FN3KRP: variants seen among roughly 807,000 people sequenced by gnomAD.
FN3KRP encodes ketosamine-3-kinase.
In FN3KRP, 33 loss-of-function variants were observed where a neutral mutation model predicts 29.8. The ratio of observed to expected loss-of-function variants is 1.11; its 90% CI spans 0.84 to 1.48. The LOEUF is 1.48. FN3KRP is among the 40% of genes most tolerant of loss of function. The probability of loss-of-function intolerance (pLI) is 0.00; values close to 1 mark genes in which losing one functional copy is unlikely to be tolerated. For missense variants in FN3KRP, 430 were observed against 402.6 expected (o/e 1.07, Z -0.58); for synonymous variants, 157 against 155.2 (o/e 1.01, Z -0.09).
At chr17:82,717,784 G>A (rs2046768166) in intron 1 of FN3KRP, among the ~76,000 whole-genome samples, 1 of 152,212 alleles carries the variant, frequency 6.6e-6, no homozygotes, top group African/African-American at 2.4e-5. Context: ...CTGAGGCTGA[G>A]GAGGTGGGGA....
At chr17:82,718,602 G>C (rs555497571) in intron 1 of FN3KRP, 1 of 1,122,228 alleles carries the variant, frequency 8.9e-7, no homozygotes, top group Non-Finnish European at 1.1e-6. Context: ...CACTGTTGCC[G>C]GATCTTAGTG....
chr17:82,721,706 G>C (rs922604712), intron 3 of FN3KRP, among the ~76,000 whole-genome samples: 2 of 151,714 alleles, frequency 1.3e-5, no homozygotes, highest in Non-Finnish European at 2.9e-5. Flanking sequence ...GTTTCACCGT[G>C]TTAGCCGGGA....
chr17:82,720,392 C>A, intron 3 of FN3KRP, 29 bp downstream of exon 3: 2 of 1,582,296 alleles, frequency 1.3e-6, no homozygotes, highest in Non-Finnish European at 1.7e-6. Flanking sequence ...CACGGGTGCT[C>A]CCGCCTAGAG....
At chr17:82,720,399 A>T (rs2046790528) in intron 3 of FN3KRP, 36 bp downstream of exon 3, 2 of 1,548,602 alleles carry the variant, frequency 1.3e-6, no homozygotes, top group East Asian at 4.5e-5. Flanking sequence ...GCTCCCGCCT[A>T]GAGGAGGACG....
intron 4 of FN3KRP, among the ~76,000 whole-genome samples, chr17:82,724,806 C>G (rs1365049188): frequency 6.7e-6 from 1 of 149,832 alleles, no homozygotes; most frequent in Admixed American, 6.7e-5. Context: ...CAATGCCTAT[C>G]AAAAAAAAAA....
In FN3KRP at chr17:82,726,826, C is replaced by T; in HGVS notation, c.592-7C>T. Reference sequence around the variant, plus strand: ...AATTTGCTGAGGCTCCATTTTCCTCCCTGCAGTTAAAGATCCCTGACCTGT... The same window carrying T: ...AATTTGCTGAGGCTCCATTTTCCTCTCTGCAGTTAAAGATCCCTGACCTGT... On this transcript the variant is annotated splice_region_variant and splice_polypyrimidine_tract_variant and intron_variant, in intron 5 of 5. Coordinates refer to ENST00000269373, the MANE Select transcript of FN3KRP (RefSeq NM_024619.4). 1 of 1,525,762 alleles carries T rather than the reference C, an allele frequency of 6.6e-7. No individual in the cohort carries two copies. The allele number at this position is 1,525,762 out of a possible 1,614,324, so 94.5% of individuals were successfully genotyped here. A position where few individuals can be genotyped will look rare whatever the true frequency, so the allele number is the denominator to read the frequency against.
rs758157195 is a variant in FN3KRP at position 82,727,036 on chromosome 17, C to T, written c.795C>T (p.Gly265=). The T allele has an allele frequency of 1.2e-6, 2 of 1,614,038 alleles. No homozygotes were observed. The highest frequency in any genetic ancestry group is 2.7e-5 in the African/African-American group (2 of 74,906). ...GCTCCTTTTACTCCGCCTACCACGG[C>T]AAAATCCCCAAGGCCCCAGGATTCG... The part of the protein sequence containing the change: ...FSSSFYSAYH[G]KIPKAPGFEK... Residue 265 remains glycine, a synonymous_variant, in exon 6 of 6, where the codon GGC becomes GGT. Transcript: ENST00000269373.
intron 3 of FN3KRP, among the ~76,000 whole-genome samples, chr17:82,722,115 T>G (rs183643689): frequency 2.6e-5 from 4 of 151,322 alleles, no homozygotes; most frequent in Non-Finnish European, 4.4e-5. Flanking sequence ...ATTACAGGCA[T>G]GAACCACTGT....
rs2046847562 is a variant in FN3KRP at position 82,727,536 on chromosome 17, A to G, written c.*365A>G. 4 of 204,668 alleles carry G rather than the reference A, an allele frequency of 2.0e-5. No individual in the cohort carries two copies. In the Admixed American group the frequency reaches 2.1e-4, roughly 11 times the overall value. 12.7% of individuals were successfully genotyped at this position (204,668 alleles called of 1,614,324 possible). Reference sequence around the variant, plus strand: ...CCAGCGCCCCCGGGCACTGCTGCTCATAGGTACCTTTCCACTGCCTCCTCC... The same window carrying G: ...CCAGCGCCCCCGGGCACTGCTGCTCGTAGGTACCTTTCCACTGCCTCCTCC... On this transcript the variant is annotated 3_prime_UTR_variant, in exon 6 of 6. Transcript: ENST00000269373.
At chr17:82,722,576 G>A (rs1181983233) in intron 3 of FN3KRP, 11 of 507,256 alleles carry the variant, frequency 2.2e-5, no homozygotes, top group Non-Finnish European at 3.5e-5. Context: ...TGATGCTGAC[G>A]TCTGCTGGAG....
chr17:82,721,921 G>C (rs1005708770), intron 3 of FN3KRP, among the ~76,000 whole-genome samples: 3 of 151,922 alleles, frequency 2.0e-5, no homozygotes, highest in Non-Finnish European at 1.5e-5. Flanking sequence ...CGCAACCTCC[G>C]CCTCCTGGGT....
At chr17:82,720,160 C>T (rs2046788352) in intron 2 of FN3KRP, 112 bp from the exon 3 acceptor site, 2 of 744,710 alleles carry the variant, frequency 2.7e-6, no homozygotes, top group Non-Finnish European at 4.4e-6. Flanking sequence ...AGCGAGACTC[C>T]ATCTCAAAAA....
Position 82,727,373 on chromosome 17 carries a change from C to A in FN3KRP, c.*202C>A. The A allele has an allele frequency of 1.8e-6, 1 of 548,646 alleles. No homozygotes were observed. The highest frequency in any genetic ancestry group is 2.4e-5 in the South Asian group (1 of 41,150). 34.0% of individuals were successfully genotyped at this position (548,646 alleles called of 1,614,324 possible). ...TGTGGGGCTTTGTAGGTAGACGGAG[C>A]CACACTACAGGCAGGGTATGAGCAG... is the stretch of plus-strand genomic sequence containing the variant. On this transcript the variant is annotated 3_prime_UTR_variant, in exon 6 of 6. Transcript: ENST00000269373.
In FN3KRP at chr17:82,727,120, A is replaced by T; in HGVS notation, c.879A>T (p.Gly293=). 1 of 1,614,066 alleles carries T rather than the reference A, an allele frequency of 6.2e-7. No individual in the cohort carries two copies. The highest frequency in any genetic ancestry group is 8.5e-7 in the Non-Finnish European group (1 of 1,180,018). ...ACTTGAACCACTGGAATCATTTTGG[A>T]TCGGGGTACAGAGGATCCTCCCTGA... The part of the protein sequence containing the change: ...FHYLNHWNHF[G]SGYRGSSLNI... The change falls in exon 6 of 6, where the codon GGA becomes GGT. Residue 293 remains glycine (G), a synonymous_variant. Coordinates refer to ENST00000269373, the MANE Select transcript of FN3KRP (RefSeq NM_024619.4).
At chr17:82,724,440 C>A (rs2046822812) in intron 4 of FN3KRP, among the ~76,000 whole-genome samples, 1 of 151,152 alleles carries the variant, frequency 6.6e-6, no homozygotes, top group South Asian at 2.1e-4. Flanking sequence ...CCTGTCTCTA[C>A]TAAAAATACA....
chr17:82,724,755 A>G (rs914180683), intron 4 of FN3KRP, among the ~76,000 whole-genome samples: 6 of 152,124 alleles, frequency 3.9e-5, no homozygotes, highest in Admixed American at 3.9e-4. Context: ...CTGTGATGTG[A>G]GTGTGACTTG....
Position 82,721,142 on chromosome 17 carries a change from C to T in FN3KRP, c.385+779C>T, listed in dbSNP as rs150805796. 8.1e-4 allele frequency among the ~76,000 whole-genome samples: 123 copies of T among 152,256 alleles called. 2 individuals carry two copies. In the East Asian group the frequency reaches 0.022, roughly 27 times the overall value. ...CACTCTTGTCCCCCAGGCTGGAGGG[C>T]AGTGGTGCAATCTTGGCTCACCGTG... is the stretch of plus-strand genomic sequence containing the variant. On this transcript the variant is annotated intron_variant, in intron 3 of 5. Transcript: ENST00000269373.
At chr17:82,725,403 A>AT (rs1293573173) in intron 4 of FN3KRP, among the ~76,000 whole-genome samples, 2 of 152,108 alleles carry the variant, frequency 1.3e-5, no homozygotes, top group African/African-American at 4.8e-5. Context: ...AAATGCTGGG[A>AT]TTACAGATAT....
chr17:82,720,896 A>C (rs2049194166), intron 3 of FN3KRP: 1 of 152,912 alleles, frequency 6.5e-6, no homozygotes, highest in Non-Finnish European at 1.5e-5. Context: ...GGCCTGCTGT[A>C]GGAGACGGAG....
Sources: allele counts gnomAD v4.1 joint callset (sites outside exome capture counted in the v4.1 genomes callset), GRCh38; gene constraint gnomAD v4.1.1; transcripts MANE v1.5; gene names NCBI Gene and HGNC (gene_info 2026-07-23, HGNC 2026-07-21).